WDPCP: variants seen among roughly 807,000 people sequenced by gnomAD.
The protein encoded by WDPCP is WD repeat-containing and planar cell polarity effector protein fritz homolog.
In WDPCP, 71 loss-of-function variants were observed where a neutral mutation model predicts 93.1. The observed-to-expected ratio is 0.76, with a 90% confidence interval of 0.63 to 0.93. The LOEUF (loss-of-function observed/expected upper bound fraction) is 0.93, where lower values mean the gene tolerates loss of function less well. Ranked by LOEUF, WDPCP falls within the 40% of genes least tolerant of loss-of-function variation. WDPCP has a pLI of 0.00. For synonymous variants in WDPCP, 315 were observed against 315.0 expected (o/e 1.00, Z 0.00); for missense variants, 844 against 887.4 (o/e 0.95, Z 0.62).
intron 6 of WDPCP, among the ~76,000 whole-genome samples, chr2:63,470,966 T>G (rs1286278814): frequency 6.6e-6 from 1 of 152,170 alleles, no homozygotes; most frequent in Non-Finnish European, 1.5e-5. Flanking sequence ...TTCCTTCATA[T>G]CTTAATCTCA....
chr2:63,137,646 T>G (rs535811736), intron 17 of WDPCP, among the ~76,000 whole-genome samples: 6 of 152,292 alleles, frequency 3.9e-5, no homozygotes, highest in Admixed American at 2.0e-4. Flanking sequence ...GTGTCCTGAA[T>G]GGTATTATCT....
chr2:63,156,838 T>C (rs905724118), intron 15 of WDPCP, among the ~76,000 whole-genome samples: 10 of 152,110 alleles, frequency 6.6e-5, no homozygotes, highest in Non-Finnish European at 2.9e-5. Context: ...CCATTTTGTC[T>C]GCAAAAAGGG....
At chr2:63,400,817 G>A (rs2176413) in intron 10 of WDPCP, among the ~76,000 whole-genome samples, 29,662 of 152,042 alleles carry the variant, frequency 0.2, 3,073 homozygotes, top group Middle Eastern at 0.28. Flanking sequence ...AGAGAAAGAA[G>A]AGACACCTCA....
In WDPCP at chr2:63,119,604, A is replaced by T. The variant is rs981178893; in HGVS notation, c.*2402T>A. 2 of 152,224 alleles carry T rather than the reference A, an allele frequency of 1.3e-5. No homozygotes were observed. The highest frequency in any genetic ancestry group is 1.3e-4 in the Admixed American group (2 of 15,284). 9.4% of individuals were successfully genotyped at this position (152,224 alleles called of 1,614,324 possible). On this transcript the variant is annotated 3_prime_UTR_variant, in exon 18 of 18. Coordinates refer to ENST00000272321, the MANE Select transcript of WDPCP (RefSeq NM_015910.7). ...TATTCTAGCAATAAGACACAATGTGACAGCTAATATAAATTACTGTGGAAA... is the reference window on the plus strand; with the variant it reads ...TATTCTAGCAATAAGACACAATGTGTCAGCTAATATAAATTACTGTGGAAA...
At chr2:63,572,571 C>T (rs565443791) in intron 1 of WDPCP, among the ~76,000 whole-genome samples, 363 of 151,018 alleles carry the variant, frequency 2.4e-3, no homozygotes, top group African/African-American at 8.2e-3. Flanking sequence ...GGCATGGTGG[C>T]GGGCGCCTGT....
At chr2:63,164,042 G>A (rs1287566413) in intron 15 of WDPCP, among the ~76,000 whole-genome samples, 1 of 152,096 alleles carries the variant, frequency 6.6e-6, no homozygotes, top group Non-Finnish European at 1.5e-5. Context: ...ATTTCTAGCT[G>A]TAAATATCAA....
chr2:63,535,512 G>A (rs375512216), intron 1 of WDPCP, among the ~76,000 whole-genome samples: 1 of 152,112 alleles, frequency 6.6e-6, no homozygotes, highest in Non-Finnish European at 1.5e-5. Context: ...CCAAAACAGA[G>A]ATATAGACCA....
At chr2:63,319,910 GTAAT>G (rs1390999881) in intron 12 of WDPCP, among the ~76,000 whole-genome samples, 24 of 152,212 alleles carry the variant, frequency 1.6e-4, no homozygotes, top group African/African-American at 4.8e-4. Flanking sequence ...CATCAACAAT[GTAAT>G]TAATTGACAA....
chr2:63,737,781 C>T (rs2103844450), intron 2 of WDPCP, among the ~76,000 whole-genome samples: 1 of 152,274 alleles, frequency 6.6e-6, no homozygotes, highest in South Asian at 2.1e-4. Context: ...CATAATTATA[C>T]AAATAATTCA....
At chr2:63,698,471 A>G (rs1668993113) in intron 2 of WDPCP, among the ~76,000 whole-genome samples, 1 of 152,164 alleles carries the variant, frequency 6.6e-6, no homozygotes, top group Non-Finnish European at 1.5e-5. Flanking sequence ...TTGAGCACCA[A>G]GCAGATGTTA....
At chr2:63,548,039 T>C (rs1403914701) in intron 1 of WDPCP, among the ~76,000 whole-genome samples, 2 of 152,036 alleles carry the variant, frequency 1.3e-5, no homozygotes, top group African/African-American at 4.8e-5. Context: ...ACTCTGAAAA[T>C]ATGTACATCT....
chr2:63,722,094 C>G (rs1180150488), intron 2 of WDPCP, among the ~76,000 whole-genome samples: 1 of 136,324 alleles, frequency 7.3e-6, no homozygotes, highest in Non-Finnish European at 1.6e-5. Flanking sequence ...TCCACCTCCC[C>G]GCCGCCTGCC....
At chr2:63,695,549 G>C (rs575038013) in intron 2 of WDPCP, among the ~76,000 whole-genome samples, 1 of 152,082 alleles carries the variant, frequency 6.6e-6, no homozygotes, top group African/African-American at 2.4e-5. Context: ...ATTTTTATTT[G>C]CTAAATCTGG....
At chr2:63,626,065 C>G (rs1208353388) in intron 3 of WDPCP, among the ~76,000 whole-genome samples, 1 of 152,070 alleles carries the variant, frequency 6.6e-6, no homozygotes, top group East Asian at 1.9e-4. Context: ...TTTGACAAAC[C>G]TGACAAAAAC....
At chr2:63,164,418 T>C (rs1672824648) in intron 15 of WDPCP, among the ~76,000 whole-genome samples, 1 of 152,134 alleles carries the variant, frequency 6.6e-6, no homozygotes. Flanking sequence ...GTGCTGTTCT[T>C]GTGATAGCAA....
intron 14 of WDPCP, among the ~76,000 whole-genome samples, chr2:63,222,124 G>A (rs1301790081): frequency 6.6e-6 from 1 of 152,094 alleles, no homozygotes; most frequent in Non-Finnish European, 1.5e-5. Context: ...ATGCAGTTGA[G>A]GCTAAAGAGA....
intron 14 of WDPCP, among the ~76,000 whole-genome samples, chr2:63,216,963 G>C (rs115187272): frequency 6.6e-6 from 1 of 152,108 alleles, no homozygotes; most frequent in African/African-American, 2.4e-5. Context: ...CTGGCAATTG[G>C]TAGGATTCTT....
intron 1 of WDPCP, among the ~76,000 whole-genome samples, chr2:63,814,831 T>C (rs1389204295): frequency 1.3e-5 from 2 of 152,196 alleles, no homozygotes; most frequent in East Asian, 1.9e-4. Context: ...CTGTGGATAA[T>C]TGGGTCAAAA....
intron 12 of WDPCP, among the ~76,000 whole-genome samples, chr2:63,355,359 A>G (rs1274222633): frequency 6.6e-6 from 1 of 152,192 alleles, no homozygotes; most frequent in Non-Finnish European, 1.5e-5. Context: ...CTAAGCTTCA[A>G]AAGTGAATGA....
Sources: allele counts gnomAD v4.1 joint callset (sites outside exome capture counted in the v4.1 genomes callset), GRCh38; gene constraint gnomAD v4.1.1; transcripts MANE v1.5; gene names NCBI Gene and HGNC (gene_info 2026-07-23, HGNC 2026-07-21).